MEF2A: variants seen among roughly 807,000 people sequenced by gnomAD.
MEF2A encodes myocyte enhancer factor 2A.
MEF2A carries 28 observed loss-of-function variants against 55.8 expected under a neutral mutation model. That is an observed-to-expected ratio of 0.50 (90% CI 0.37 to 0.69). MEF2A has a LOEUF of 0.69. MEF2A is among the 30% of genes least tolerant of loss of function. The pLI is 0.00. For synonymous variants in MEF2A, 239 were observed against 227.1 expected, an observed-to-expected ratio of 1.05 and a Z score of -0.47; for missense variants, 528 against 626.2, an observed-to-expected ratio of 0.84 and a Z score of 1.67.
intron 2 of MEF2A, among the ~76,000 whole-genome samples, chr15:99,622,831 T>A (rs2041442658): frequency 6.6e-6 from 1 of 151,838 alleles, no homozygotes; most frequent in Non-Finnish European, 1.5e-5. Context: ...GCCTCCCTAG[T>A]AGCTGGGACT....
At position 99,669,072 on chromosome 15, in the gene MEF2A, A is replaced by C. The variant is rs1413086987; in HGVS notation, c.259-2251A>C. Among the ~76,000 whole-genome samples the C allele has an allele frequency of 1.4e-3, 213 of 152,148 alleles. 2 individuals carry two copies. Among genetic ancestry groups the C allele is most frequent in the East Asian group, 1.9e-4 (1 of 5,178 alleles). On this transcript the variant is annotated intron_variant, in intron 4 of 11. Transcript: ENST00000557942. ...CATAAATACAAGTAGAGTTAACCCT[A>C]CTCTTGTAGAATAAAAATTGCATGT... is the stretch of plus-strand genomic sequence containing the variant.
At chr15:99,694,086 A>G (rs561556082) in intron 8 of MEF2A, among the ~76,000 whole-genome samples, 5 of 152,348 alleles carry the variant, frequency 3.3e-5, no homozygotes, top group African/African-American at 1.2e-4. Flanking sequence ...GATCCAATCC[A>G]GGATACCACA....
intron 7 of MEF2A, among the ~76,000 whole-genome samples, chr15:99,680,477 C>G (rs1004799523): frequency 1.3e-5 from 2 of 152,140 alleles, no homozygotes; most frequent in African/African-American, 4.8e-5. Flanking sequence ...AAATTAGTAA[C>G]AATCTTTCTG....
At chr15:99,685,708 G>C (rs1374944004) in intron 7 of MEF2A, among the ~76,000 whole-genome samples, 4 of 151,986 alleles carry the variant, frequency 2.6e-5, no homozygotes, top group Admixed American at 2.6e-4. Context: ...TGTTGGATTC[G>C]GTCACCTGTT....
chr15:99,628,927 A>C (rs761487372), intron 2 of MEF2A, among the ~76,000 whole-genome samples: 34 of 150,634 alleles, frequency 2.3e-4, no homozygotes, highest in Non-Finnish European at 4.3e-4. Flanking sequence ...TGTTTGCCTT[A>C]AAGTTGCCTC....
At chr15:99,608,662 G>A (rs1975994996) in intron 2 of MEF2A, among the ~76,000 whole-genome samples, 2 of 152,170 alleles carry the variant, frequency 1.3e-5, no homozygotes, top group Admixed American at 6.5e-5. Context: ...ATTTTGGGAG[G>A]CCGAGGTGGG....
chr15:99,636,982 G>T (rs148650812), intron 3 of MEF2A, among the ~76,000 whole-genome samples: 33 of 152,252 alleles, frequency 2.2e-4, no homozygotes, highest in African/African-American at 7.5e-4. Context: ...CCTTTATCAT[G>T]AGTCGAGTAA....
intron 4 of MEF2A, among the ~76,000 whole-genome samples, chr15:99,655,889 G>C (rs950809186): frequency 6.6e-6 from 1 of 152,044 alleles, no homozygotes; most frequent in South Asian, 2.1e-4. Context: ...CTCTGATCTG[G>C]CTCTCTCTTT....
At position 99,604,094 on chromosome 15, in the gene MEF2A, CTCT is replaced by C. The variant is rs143568801; in HGVS notation, c.-143+5585_-143+5587del. Among the ~76,000 whole-genome samples the C allele has an allele frequency of 4.6e-3, 699 of 152,248 alleles. 12 individuals carry two copies. Among genetic ancestry groups the C allele is most frequent in the Non-Finnish European group, 6.0e-3 (408 of 68,006 alleles). On this transcript the variant is annotated intron_variant, in intron 2 of 11. Transcript: ENST00000557942. Reference sequence around the variant, plus strand: ...GTAAGTTTTCTATTTTCTTTGGCTACTCTTAAGACTTTATTACTAGGTTTTAGT... The same window carrying C: ...GTAAGTTTTCTATTTTCTTTGGCTACTAAGACTTTATTACTAGGTTTTAGT...
chr15:99,695,541 TTGTGTGTG>T (rs3979129), intron 8 of MEF2A, among the ~76,000 whole-genome samples: 4 of 144,878 alleles, frequency 2.8e-5, no homozygotes, highest in South Asian at 2.3e-4. Context: ...ATTGTCAGAT[TTGTGTGTG>T]TGTGTGTGTG....
At chr15:99,702,931 C>A (rs916799588) in intron 8 of MEF2A, among the ~76,000 whole-genome samples, 1 of 152,186 alleles carries the variant, frequency 6.6e-6, no homozygotes, top group African/African-American at 2.4e-5. Flanking sequence ...AAGCAGAATT[C>A]AGTAGGAGAT....
At position 99,598,412 on chromosome 15, in the gene MEF2A, A is replaced by AT. The variant is rs980277267; in HGVS notation, c.-224-11dup. 3.3e-5 allele frequency: 5 copies of AT among 152,142 alleles called. No individual in the cohort carries two copies. Among genetic ancestry groups the AT allele is most frequent in the African/African-American group, 4.8e-5 (2 of 41,430 alleles). The allele number at this position is 152,142 out of a possible 1,614,324, so 9.4% of individuals were successfully genotyped here. ...AGTCAAGAACAATAATGCATCTCAA[A>AT]TTTTTTTCTTTTTTAAGGAATTGCA... On this transcript the variant is annotated splice_polypyrimidine_tract_variant and intron_variant, in intron 1 of 11. Coordinates refer to ENST00000557942, the MANE Select transcript of MEF2A (RefSeq NM_001319206.4).
chr15:99,675,381 T>G lies in MEF2A; in HGVS notation c.611-18T>G. On this transcript the variant is annotated intron_variant, in intron 6 of 11. Transcript: ENST00000557942. ...TATTCATTCTCTGCCCTCTGTCTTCTCTCCGTAACGTTGTTAGGTGGGATG... is the reference window on the plus strand; with the variant it reads ...TATTCATTCTCTGCCCTCTGTCTTCGCTCCGTAACGTTGTTAGGTGGGATG... 6.2e-7 allele frequency: 1 copy of G among 1,612,216 alleles called. No individual in the cohort carries two copies. The highest frequency in any genetic ancestry group is 8.5e-7 in the Non-Finnish European group (1 of 1,178,272).
At chr15:99,635,001 T>G (rs1394928374) in intron 3 of MEF2A, among the ~76,000 whole-genome samples, 1 of 152,232 alleles carries the variant, frequency 6.6e-6, no homozygotes, top group Non-Finnish European at 1.5e-5. Context: ...GTTTCATGTT[T>G]CTTCATGAAA....
intron 1 of MEF2A, among the ~76,000 whole-genome samples, chr15:99,570,528 ATTTT>A (rs1345731632): frequency 1.3e-5 from 2 of 152,166 alleles, no homozygotes; most frequent in Non-Finnish European, 2.9e-5. Flanking sequence ...TGAGCTGGAC[ATTTT>A]TACTTTGTTA....
intron 8 of MEF2A, among the ~76,000 whole-genome samples, chr15:99,695,933 G>GA (rs2056411815): frequency 6.6e-6 from 1 of 151,550 alleles, no homozygotes; most frequent in Non-Finnish European, 1.5e-5. Flanking sequence ...AAAGAAGGGA[G>GA]AAAATTTACC....
Position 99,712,803 on chromosome 15 carries a change from T to C in MEF2A, c.*32T>C. Reference sequence around the variant, plus strand: ...CAAGCTGATGTTTGTACTTTTGTGTTACTGCAGTGACCTGCCCTACATATC... The same window carrying C: ...CAAGCTGATGTTTGTACTTTTGTGTCACTGCAGTGACCTGCCCTACATATC... On this transcript the variant is annotated 3_prime_UTR_variant, in exon 12 of 12. Coordinates refer to ENST00000557942, the MANE Select transcript of MEF2A (RefSeq NM_001319206.4). The surrounding 1 kb of genome is among the most constrained non-coding windows in gnomAD (Gnocchi z 4.1). The C allele has an allele frequency of 6.5e-7, 1 of 1,545,090 alleles. No homozygotes were observed. Among genetic ancestry groups the C allele is most frequent in the Non-Finnish European group, 8.8e-7 (1 of 1,142,246 alleles).
At chr15:99,710,600 A>G in intron 10 of MEF2A, 34 bp from the exon 11 acceptor site, 1 of 1,593,170 alleles carries the variant, frequency 6.3e-7, no homozygotes, top group Non-Finnish European at 8.6e-7. Flanking sequence ...TGGACCTTCC[A>G]TCATATGCAG....
rs1466107160 is a variant in MEF2A at position 99,710,613 on chromosome 15, C to T, written c.1010-21C>T. 3.1e-6 allele frequency: 5 copies of T among 1,601,222 alleles called. No individual in the cohort carries two copies. The South Asian group carries it at 5.5e-5, about 18-fold the overall frequency. On this transcript the variant is annotated intron_variant, in intron 10 of 11. Coordinates refer to ENST00000557942, the MANE Select transcript of MEF2A (RefSeq NM_001319206.4). Reference sequence around the variant, plus strand: ...TATGGACCTTCCATCATATGCAGAGCCCTCTTGTCTTCCTTTGTAGATTAT... The same window carrying T: ...TATGGACCTTCCATCATATGCAGAGTCCTCTTGTCTTCCTTTGTAGATTAT...
Sources: gnomAD v4.1 joint callset for allele counts (sites outside exome capture counted in the v4.1 genomes callset) on GRCh38, gnomAD v4.1.1 for gene constraint, Gnocchi (gnomAD v3.1) non-coding constraint, MANE v1.5 for transcripts, NCBI Gene and HGNC (gene_info 2026-07-23, HGNC 2026-07-21) for gene names.